DIPK1A: variants seen among roughly 807,000 people sequenced by gnomAD.
DIPK1A encodes family with sequence similarity 69 member A.
Under a neutral mutation model 40.8 loss-of-function variants are expected in DIPK1A, and 27 were observed. The ratio of observed to expected loss-of-function variants is 0.66; its 90% confidence interval spans 0.49 to 0.91. The LOEUF (loss-of-function observed/expected upper bound fraction) is 0.91. DIPK1A is among the 40% of genes least tolerant of loss of function. DIPK1A has a pLI of 0.00. For missense variants in DIPK1A, 412 were observed against 505.7 expected (o/e 0.81, Z 1.78); for synonymous variants, 166 against 171.3 (o/e 0.97, Z 0.24).
At chr1:92,886,323 C>T (rs536335492) in intron 1 of DIPK1A, among the ~76,000 whole-genome samples, 1 of 151,628 alleles carries the variant, frequency 6.6e-6, no homozygotes, top group Admixed American at 6.6e-5. Flanking sequence ...AGAGCATGAC[C>T]CTGTCTAAAA....
At chr1:92,844,221 A>G in intron 4 of DIPK1A, 26 bp from the exon 5 acceptor site, 1 of 1,449,586 alleles carries the variant, frequency 6.9e-7, no homozygotes, top group Non-Finnish European at 9.4e-7. Context: ...CTAGTTACAC[A>G]GAAGGAATGA....
intron 1 of DIPK1A, among the ~76,000 whole-genome samples, chr1:92,897,040 C>T (rs1250064563): frequency 2.0e-5 from 3 of 151,736 alleles, no homozygotes; most frequent in East Asian, 3.9e-4. Context: ...AATAGGAACA[C>T]TTTTACACTG....
intron 1 of DIPK1A, among the ~76,000 whole-genome samples, chr1:92,915,784 AACTAAAAATATATGTCC>A (rs1369869793): frequency 6.6e-6 from 1 of 152,214 alleles, no homozygotes. Context: ...TACTCAAAAG[AACTAAAAATATATGTCC>A]ACACAAAAAT....
At chr1:92,890,829 T>C (rs1648837463) in intron 1 of DIPK1A, among the ~76,000 whole-genome samples, 1 of 152,212 alleles carries the variant, frequency 6.6e-6, no homozygotes, top group Non-Finnish European at 1.5e-5. Context: ...ACTGGCATTA[T>C]AGAATAAGTT....
At chr1:92,952,919 G>T (rs1651690588) in intron 1 of DIPK1A, among the ~76,000 whole-genome samples, 1 of 152,074 alleles carries the variant, frequency 6.6e-6, no homozygotes. Context: ...TCTAATAATA[G>T]TCTATGACTC....
intron 2 of DIPK1A, among the ~76,000 whole-genome samples, chr1:92,874,101 G>A (rs1410550986): frequency 6.6e-6 from 1 of 152,070 alleles, no homozygotes; most frequent in Non-Finnish European, 1.5e-5. Context: ...ATTATCTTCA[G>A]GGTTTGATAA....
At chr1:92,851,368 A>AC (rs1201639124) in intron 2 of DIPK1A, among the ~76,000 whole-genome samples, 1 of 151,640 alleles carries the variant, frequency 6.6e-6, no homozygotes, top group African/African-American at 2.4e-5. Flanking sequence ...ACATGGTGAA[A>AC]CCCCATCTCT....
At chr1:92,891,050 T>A (rs1648848275) in intron 1 of DIPK1A, among the ~76,000 whole-genome samples, 1 of 152,156 alleles carries the variant, frequency 6.6e-6, no homozygotes. Context: ...CTTGGTAGAA[T>A]GTTTATGTCC....
chr1:92,890,146 G>A (rs1213250231), intron 1 of DIPK1A, among the ~76,000 whole-genome samples: 1 of 152,034 alleles, frequency 6.6e-6, no homozygotes, highest in Admixed American at 6.6e-5. Context: ...AAATACTACT[G>A]ATTTTTGTAT....
chr1:92,872,825 T>C (rs935771474), intron 2 of DIPK1A, among the ~76,000 whole-genome samples: 2 of 152,232 alleles, frequency 1.3e-5, no homozygotes, highest in Non-Finnish European at 2.9e-5. Context: ...AGTTCATAAC[T>C]CTAATCTGTA....
intron 1 of DIPK1A, among the ~76,000 whole-genome samples, chr1:92,903,047 C>T (rs1649479380): frequency 6.6e-6 from 1 of 152,036 alleles, no homozygotes; most frequent in South Asian, 2.1e-4. Context: ...CATAATGTTA[C>T]ACTGCTTTCT....
chr1:92,845,456 C>G, intron 4 of DIPK1A: 1 of 327,830 alleles, frequency 3.1e-6, no homozygotes, highest in Middle Eastern at 6.9e-4. Flanking sequence ...ATAGCTTGAG[C>G]TCAGGAGTTC....
At chr1:92,954,783 CCTAA>C (rs1651779152) in intron 1 of DIPK1A, among the ~76,000 whole-genome samples, 1 of 151,994 alleles carries the variant, frequency 6.6e-6, no homozygotes, top group Non-Finnish European at 1.5e-5. Context: ...ATAAAATGTA[CCTAA>C]CTGCTACAAA....
intron 1 of DIPK1A, among the ~76,000 whole-genome samples, chr1:92,905,466 A>G (rs142713290): frequency 6.6e-6 from 1 of 152,222 alleles, no homozygotes; most frequent in East Asian, 1.9e-4. Context: ...TGCCCATTTT[A>G]AAATCAGATT....
intron 1 of DIPK1A, among the ~76,000 whole-genome samples, chr1:92,904,100 A>C (rs557539174): frequency 6.6e-6 from 1 of 152,344 alleles, no homozygotes; most frequent in East Asian, 1.9e-4. Flanking sequence ...ATTCCAAAGA[A>C]GGCTGAAACC....
At position 92,843,763 on chromosome 1, in the gene DIPK1A, T is replaced by C; in HGVS notation, c.907A>G (p.Asn303Asp). The part of the protein sequence containing the change: ...CDTSAKNLGY[N>D]DKYDLKMVDM... Reference sequence around the variant, plus strand: ...ACCATTTTCAAATCATACTTATCATTATATCCTAGGTTTTTGGCACTAGTA... The same window carrying C: ...ACCATTTTCAAATCATACTTATCATCATATCCTAGGTTTTTGGCACTAGTA... The change falls in exon 5 of 5, where the codon AAT becomes GAT. Residue 303 changes from asparagine to aspartate, a missense_variant. By Grantham distance (23) the Asn-to-Asp change is conservative. Coordinates refer to ENST00000370310, the MANE Select transcript of DIPK1A (RefSeq NM_001006605.5). 6.4e-7 allele frequency: 1 copy of C among 1,551,834 alleles called. No individual in the cohort carries two copies. The highest frequency in any genetic ancestry group is 8.7e-7 in the Non-Finnish European group (1 of 1,146,992).
At chr1:92,839,129 T>C (rs968270644), downstream of DIPK1A, among the ~76,000 whole-genome samples, 1 of 145,758 alleles carries the variant, frequency 6.9e-6, no homozygotes, top group Non-Finnish European at 1.5e-5. Flanking sequence ...GAGGCCGTGG[T>C]GGGCAGATCA....
At chr1:92,887,276 A>AT (rs1648654048) in intron 1 of DIPK1A, among the ~76,000 whole-genome samples, 1 of 150,150 alleles carries the variant, frequency 6.7e-6, no homozygotes, top group Non-Finnish European at 1.5e-5. Context: ...AAAAAAAAAA[A>AT]TTAGCTAGGC....
chr1:92,913,061 G>A (rs1176005278), intron 1 of DIPK1A, among the ~76,000 whole-genome samples: 1 of 151,896 alleles, frequency 6.6e-6, no homozygotes, highest in African/African-American at 2.4e-5. Flanking sequence ...CAGCCTGAGT[G>A]ACAGAGTAAG....
Sources: gnomAD v4.1 joint callset for allele counts (sites outside exome capture counted in the v4.1 genomes callset) on GRCh38, gnomAD v4.1.1 for gene constraint, MANE v1.5 for transcripts, NCBI Gene and HGNC (gene_info 2026-07-23, HGNC 2026-07-21) for gene names.